Variants in PCTP observed in about 807,000 individuals in gnomAD.
The protein encoded by PCTP is phosphatidylcholine transfer protein, also known as START domain-containing protein 2.
Under a neutral mutation model 31.0 loss-of-function variants are expected in PCTP, and 27 were observed. The ratio of observed to expected loss-of-function variants is 0.87; its 90% CI spans 0.64 to 1.20. The LOEUF is 1.20. Among genes scored for constraint, PCTP ranks in the 50% most tolerant of loss-of-function variants. The probability of loss-of-function intolerance (pLI) is 0.00; values close to 1 mark genes in which losing one functional copy is unlikely to be tolerated. For synonymous variants in PCTP, 108 were observed against 101.2 expected, an observed-to-expected ratio of 1.07 and a Z score of -0.40; for missense variants, 287 against 268.2, an observed-to-expected ratio of 1.07 and a Z score of -0.49.
chr17:55,813,605 G>A (rs577239204), intron 3 of PCTP, among the ~76,000 whole-genome samples: 2 of 152,250 alleles, frequency 1.3e-5, no homozygotes, highest in Middle Eastern at 3.4e-3. Context: ...GTGAGCCACC[G>A]TGCCTGGCCA....
chr17:55,815,707 T>C (rs980381378), intron 3 of PCTP, among the ~76,000 whole-genome samples: 6 of 152,192 alleles, frequency 3.9e-5, no homozygotes, highest in African/African-American at 1.4e-4. Flanking sequence ...TAAAACACCT[T>C]GCTTGCAACC....
downstream of PCTP, among the ~76,000 whole-genome samples, chr17:55,846,156 C>T (rs929337962): frequency 3.3e-5 from 5 of 152,044 alleles, no homozygotes; most frequent in African/African-American, 1.2e-4. Flanking sequence ...CCCTGGGGAA[C>T]TCCTTCCTTT....
chr17:55,771,637 C>CAG (rs763509959), intron 3 of PCTP, among the ~76,000 whole-genome samples: 4 of 152,150 alleles, frequency 2.6e-5, no homozygotes, highest in Non-Finnish European at 4.4e-5. Context: ...CAGCTCTCTC[C>CAG]GCCTCCCCCA....
chr17:55,807,745 G>A (rs903140539), intron 3 of PCTP, among the ~76,000 whole-genome samples: 5 of 152,118 alleles, frequency 3.3e-5, no homozygotes, highest in African/African-American at 1.2e-4. Context: ...TCAACTTTCA[G>A]CATTTTCAGG....
intron 5 of PCTP, among the ~76,000 whole-genome samples, chr17:55,829,409 C>G (rs868719930): frequency 1.3e-5 from 2 of 152,076 alleles, no homozygotes; most frequent in Non-Finnish European, 1.5e-5. Flanking sequence ...CTCCCCAGTT[C>G]AAGCAATTCT....
intron 2 of PCTP, 156 bp from the exon 3 acceptor site, chr17:55,770,950 C>T: frequency 1.8e-6 from 1 of 559,506 alleles, no homozygotes; most frequent in Non-Finnish European, 3.2e-6. Flanking sequence ...CCAGGCTGGT[C>T]TTGAACTCCT....
At chr17:55,768,387 A>C (rs985849637) in intron 2 of PCTP, among the ~76,000 whole-genome samples, 3 of 152,104 alleles carry the variant, frequency 2.0e-5, no homozygotes, top group Non-Finnish European at 4.4e-5. Context: ...TTGAATCAAA[A>C]TTTTCCAAAC....
chr17:55,775,269 T>C (rs2144972725), intron 5 of PCTP: 1 of 1,235,578 alleles, frequency 8.1e-7, no homozygotes. Context: ...GCTTCCACTT[T>C]TGTTGTTGTT....
Position 55,771,160 on chromosome 17 carries a change from AC to A in PCTP, c.317del (p.Pro106LeufsTer27), listed in dbSNP as rs779416844. 6.2e-7 allele frequency: 1 copy of A among 1,612,438 alleles called. No homozygotes were observed. The highest frequency in any genetic ancestry group is 1.1e-5 in the South Asian group (1 of 91,042). On this transcript the variant is annotated frameshift_variant, in exon 3 of 6. Coordinates refer to ENST00000268896, the MANE Select transcript of PCTP (RefSeq NM_021213.4). LOFTEE classifies it high-confidence loss of function. ...GETVVYWEVK[Y>X]PFPMSNRDYV... ...ACTGTGGTCTACTGGGAAGTGAAGT[AC>A]CCTTTTCCCATGTCCAACAGAGACG...
At chr17:55,761,956 A>G (rs1363951711) in intron 1 of PCTP, among the ~76,000 whole-genome samples, 1 of 152,188 alleles carries the variant, frequency 6.6e-6, no homozygotes, top group African/African-American at 2.4e-5. Flanking sequence ...TTGTATTCAA[A>G]TGGATTATTT....
intron 1 of PCTP, chr17:55,751,587 A>ACTGACACGC: frequency 8.5e-7 from 1 of 1,182,946 alleles, no homozygotes; most frequent in Non-Finnish European, 1.1e-6. Flanking sequence ...CTCACTCTCC[A>ACTGACACGC]ATGCGTGTCA....
intron 1 of PCTP, among the ~76,000 whole-genome samples, chr17:55,760,315 C>T (rs1463033050): frequency 1.3e-5 from 2 of 152,154 alleles, no homozygotes; most frequent in African/African-American, 4.8e-5. Context: ...AGGAGATTAT[C>T]GTACCTACCT....
At chr17:55,758,136 A>T (rs1031979048) in intron 1 of PCTP, among the ~76,000 whole-genome samples, 2 of 152,220 alleles carry the variant, frequency 1.3e-5, no homozygotes, top group Admixed American at 1.3e-4. Context: ...CACAGCTTCA[A>T]TTTAGAGAAA....
At chr17:55,766,696 A>G (rs1910681097) in intron 1 of PCTP, among the ~76,000 whole-genome samples, 2 of 152,024 alleles carry the variant, frequency 1.3e-5, no homozygotes, top group Admixed American at 1.3e-4. Context: ...AGTCTTTGCT[A>G]TTGTGAATAG....
chr17:55,764,630 A>T (rs771959047), intron 1 of PCTP, among the ~76,000 whole-genome samples: 44 of 152,190 alleles, frequency 2.9e-4, no homozygotes, highest in Non-Finnish European at 6.2e-4. Context: ...ACTTTCACAT[A>T]CATCTGAGAT....
chr17:55,762,960 C>T (rs1910419405), intron 1 of PCTP, among the ~76,000 whole-genome samples: 1 of 152,172 alleles, frequency 6.6e-6, no homozygotes, highest in Non-Finnish European at 1.5e-5. Context: ...AATCCTTTTA[C>T]TATTTGAATT....
At position 55,775,295 on chromosome 17, in the gene PCTP, T is replaced by TC. The variant is rs1911268640; in HGVS notation, c.579+437dup. On this transcript the variant is annotated intron_variant, in intron 5 of 5. Coordinates refer to ENST00000268896, the MANE Select transcript of PCTP (RefSeq NM_021213.4). ...TGTTGTTGTTGCCCTTTTTTTTTTT[T>TC]CTTTTTCTCTATAAGGGAGGGAACT... 6.5e-6 allele frequency: 8 copies of TC among 1,235,846 alleles called. No homozygotes were observed. The East Asian group carries it at 2.5e-4, about 39-fold the overall frequency. The allele number at this position is 1,235,846 out of a possible 1,614,324, so 76.6% of individuals were successfully genotyped here.
At chr17:55,784,338 C>T (rs1567720604) in intron 2 of PCTP, among the ~76,000 whole-genome samples, 1 of 152,178 alleles carries the variant, frequency 6.6e-6, no homozygotes, top group East Asian at 1.9e-4. Flanking sequence ...AATGGCTCCA[C>T]ATACACAGTC....
At chr17:55,759,425 T>C (rs1204978309) in intron 1 of PCTP, among the ~76,000 whole-genome samples, 1 of 152,202 alleles carries the variant, frequency 6.6e-6, no homozygotes, top group Non-Finnish European at 1.5e-5. Flanking sequence ...CAACTATCTG[T>C]CTTTGTAGAG....
Sources: allele counts gnomAD v4.1 joint callset (sites outside exome capture counted in the v4.1 genomes callset), GRCh38; gene constraint gnomAD v4.1.1; transcripts MANE v1.5; gene names NCBI Gene and HGNC (gene_info 2026-07-23, HGNC 2026-07-21).